The following EMILIN2 variants were observed in gnomAD, a reference collection of about 807,000 sequenced individuals.
EMILIN2 encodes elastin microfibril interfacer 2.
A neutral mutation model predicts 87.1 loss-of-function variants in EMILIN2; 71 were observed. The observed-to-expected ratio is 0.82, with a 90% confidence interval of 0.67 to 0.99. EMILIN2 has a LOEUF of 0.99. Among genes scored for constraint, EMILIN2 ranks in the 50% least tolerant of loss-of-function variants. The pLI, the probability that EMILIN2 is intolerant of heterozygous loss-of-function variation, is 0.00. For missense variants in EMILIN2, 1,407 were observed against 1,371.8 expected (o/e 1.03, Z -0.40); for synonymous variants, 581 against 563.4 (o/e 1.03, Z -0.44).
rs557423433 is a variant in EMILIN2, at chr18:2,885,002, A to G, written c.296A>G (p.Tyr99Cys). 3.1e-5 allele frequency: 50 copies of G among 1,613,446 alleles called. No individual in the cohort carries two copies. In the South Asian group the frequency reaches 5.2e-4, roughly 17 times the overall value. ...VNFRPRYVTR[Y>C]KTVTQLEWRC... ...TTCAGACCTAGATATGTCACTAGGT[A>G]TAAGACAGTGACACAGTTGGAATGG... is the stretch of plus-strand genomic sequence containing the variant. The change falls in exon 3 of 8, where the codon TAT becomes TGT. Residue 99 changes from tyrosine to cysteine, a missense_variant. Coordinates refer to ENST00000254528, the MANE Select transcript of EMILIN2 (RefSeq NM_032048.3).
chr18:2,907,876 G>C (rs1456563595), intron 5 of EMILIN2, among the ~76,000 whole-genome samples: 2 of 152,204 alleles, frequency 1.3e-5, no homozygotes, highest in African/African-American at 4.8e-5. Flanking sequence ...TACATGCATA[G>C]AACAATGCAA....
intron 2 of EMILIN2, among the ~76,000 whole-genome samples, chr18:2,884,108 A>G (rs1440258544): frequency 1.3e-5 from 2 of 151,986 alleles, no homozygotes; most frequent in Non-Finnish European, 2.9e-5. Context: ...GGCGCACGCC[A>G]TCACGCCCGG....
chr18:2,889,085 A>ATTTC (rs748459403), intron 3 of EMILIN2, among the ~76,000 whole-genome samples: 13 of 115,824 alleles, frequency 1.1e-4, no homozygotes, highest in Non-Finnish European at 2.5e-4. Context: ...CTCTTTCAGT[A>ATTTC]TTTCTTTCTT....
chr18:2,913,086 T>C lies in EMILIN2; in HGVS notation c.2844T>C (p.Tyr948=), dbSNP rs773489274. The C allele has an allele frequency of 5.6e-6, 9 of 1,610,890 alleles. No individual in the cohort carries two copies. In the Admixed American group the frequency reaches 6.7e-5, roughly 12 times the overall value. The change falls in exon 8 of 8, where the codon TAT becomes TAC. Residue 948 remains tyrosine (Y), a synonymous_variant. Transcript: ENST00000254528. ...CCGCAGGGGTCTTCACGGCTCCTTA[T>C]GATGGGCGCTACCTGATCACGGCCA... ...NPSTGVFTAP[Y]DGRYLITATL...
intron 2 of EMILIN2, among the ~76,000 whole-genome samples, chr18:2,859,002 A>G (rs1169594263): frequency 6.6e-6 from 1 of 152,070 alleles, no homozygotes; most frequent in African/African-American, 2.4e-5. Context: ...CATTTTTGCA[A>G]TCGCGAATTG....
At chr18:2,869,345 G>C (rs898228271) in intron 2 of EMILIN2, among the ~76,000 whole-genome samples, 3 of 151,682 alleles carry the variant, frequency 2.0e-5, no homozygotes, top group African/African-American at 7.3e-5. Flanking sequence ...AAGTTGTACA[G>C]TTTAATATTT....
rs1307694535 is a variant in EMILIN2 at position 2,891,324 on chromosome 18, T to C, written c.1197T>C (p.Ser399=). Residue 399 remains serine (S), a synonymous_variant, in exon 4 of 8, where the codon AGT becomes AGC. Transcript: ENST00000254528. This position sits in a 1 kb window ranked among gnomAD's most constrained non-coding sequence, Gnocchi z 4.6. ...EPSAQANCCD[S]EKNGDIGQQI... ...CAGCCCAGGCAAATTGCTGCGACAG[T>C]GAAAAGAATGGTGACATTGGTCAAC... 6.2e-7 allele frequency: 1 copy of C among 1,614,026 alleles called. No homozygotes were observed. The highest frequency in any genetic ancestry group is 2.2e-5 in the East Asian group (1 of 44,874).
At chr18:2,886,328 A>G (rs575652730) in intron 3 of EMILIN2, among the ~76,000 whole-genome samples, 7 of 152,262 alleles carry the variant, frequency 4.6e-5, no homozygotes, top group African/African-American at 1.7e-4. Flanking sequence ...GTAATCATTT[A>G]TTTTTGTTTT....
chr18:2,909,572 T>G, intron 6 of EMILIN2, 119 bp from the exon 7 acceptor site: 1 of 1,328,872 alleles, frequency 7.5e-7, no homozygotes, highest in Non-Finnish European at 1.0e-6. Context: ...TTCACCACTT[T>G]GGGTGAAATA....
rs1598499001 is a variant in EMILIN2 at position 2,890,664 on chromosome 18, T to C, written c.537T>C (p.Leu179=). ...ATCCAAAAGAGGGGCCTCAGGAACT[T>C]CAGGAAAAGAAGATACAGGTGCTAG... ...GVDPKEGPQE[L]QEKKIQVLEE... The change falls in exon 4 of 8, where the codon CTT becomes CTC. Residue 179 remains leucine (L), a synonymous_variant. Coordinates refer to ENST00000254528, the MANE Select transcript of EMILIN2 (RefSeq NM_032048.3). This position sits in a 1 kb window ranked among gnomAD's most constrained non-coding sequence, Gnocchi z 4.7. 1 of 1,613,798 alleles carries C rather than the reference T, an allele frequency of 6.2e-7. No homozygotes were observed. Among genetic ancestry groups the C allele is most frequent in the Non-Finnish European group, 8.5e-7 (1 of 1,179,864 alleles).
At chr18:2,900,959 GAGATC>G (rs2076885832) in intron 4 of EMILIN2, among the ~76,000 whole-genome samples, 1 of 152,212 alleles carries the variant, frequency 6.6e-6, no homozygotes. Flanking sequence ...GGATGGCAGG[GAGATC>G]AGATTTCACC....
chr18:2,854,441 A>G (rs538875844), intron 2 of EMILIN2, among the ~76,000 whole-genome samples: 9 of 151,034 alleles, frequency 6.0e-5, no homozygotes, highest in African/African-American at 2.2e-4. Flanking sequence ...GTTGGCAGAA[A>G]ATTTGTCTTA....
intron 4 of EMILIN2, among the ~76,000 whole-genome samples, chr18:2,898,224 G>A (rs776958715): frequency 6.6e-6 from 1 of 152,268 alleles, no homozygotes; most frequent in Non-Finnish European, 1.5e-5. Context: ...ACAAGTGGGG[G>A]TGTGTCCTGG....
intron 3 of EMILIN2, among the ~76,000 whole-genome samples, chr18:2,886,036 A>G (rs888715248): frequency 3.9e-5 from 6 of 152,270 alleles, no homozygotes; most frequent in African/African-American, 7.2e-5. Context: ...TTAAGGATAC[A>G]TAATCTCATG....
rs765932028 is a variant in EMILIN2, at chr18:2,890,784, T to A, written c.657T>A (p.Asp219Glu). ...ATCTCAAACATGCCACTCAGGATGA[T>A]GCCAGTAGAACACGGGCACCAGGGC... is the stretch of plus-strand genomic sequence containing the variant. ...SENLKHATQD[D>E]ASRTRAPGLS... The change falls in exon 4 of 8, where the codon GAT becomes GAA. Residue 219 changes from aspartate (D) to glutamate (E), a missense_variant. By Grantham distance (45) the Asp-to-Glu change is conservative. Transcript: ENST00000254528. The surrounding 1 kb of genome is among the most constrained non-coding windows in gnomAD (Gnocchi z 4.7). 6.2e-7 allele frequency: 1 copy of A among 1,613,676 alleles called. No homozygotes were observed. The highest frequency in any genetic ancestry group is 1.7e-5 in the Admixed American group (1 of 60,008).
At chr18:2,846,920 A>T, upstream of EMILIN2, 1 of 989,946 alleles carries the variant, frequency 1.0e-6, no homozygotes, top group Non-Finnish European at 1.2e-6. This position sits in a 1 kb window ranked among gnomAD's most constrained non-coding sequence, Gnocchi z 5.3. Context: ...CGTTTCGGAG[A>T]GGGAAGTGAA....
rs143370108 is a variant in EMILIN2 at position 2,913,155 on chromosome 18, G to A, written c.2913G>A (p.Ser971=). The change falls in exon 8 of 8, where the codon TCG becomes TCA. Residue 971 remains serine, a synonymous_variant. Transcript: ENST00000254528. ...ACGCCTACGTGGAAGCAGTGCTGTC[G>A]GTCTCCAACGCCAGCGTGGCCCAGC... ...ERDAYVEAVL[S]VSNASVAQLH... is the part of the protein sequence containing the mutation. 50 of 1,613,638 alleles carry A rather than the reference G, an allele frequency of 3.1e-5. No individual in the cohort carries two copies. Among genetic ancestry groups the A allele is most frequent in the African/African-American group, 4.0e-5 (3 of 74,834 alleles).
rs184213853 is a variant in EMILIN2, at chr18:2,865,437, C to G, written c.257+17506C>G. 3.3e-5 allele frequency among the ~76,000 whole-genome samples: 5 copies of G among 152,322 alleles called. No homozygotes were observed. The East Asian group carries it at 9.6e-4, about 29-fold the overall frequency. On this transcript the variant is annotated intron_variant, in intron 2 of 7. Transcript: ENST00000254528. ...TAGTTTTCCTTCTAACAGTCAGGATCCTCAGCTGCAGGTCTGTTGGAGTTT... is the reference window on the plus strand; with the variant it reads ...TAGTTTTCCTTCTAACAGTCAGGATGCTCAGCTGCAGGTCTGTTGGAGTTT...
In EMILIN2 at chr18:2,890,626, A is replaced by C. The variant is rs755978014; in HGVS notation, c.499A>C (p.Ser167Arg). Residue 167 changes from serine to arginine, a missense_variant, in exon 4 of 8, where the codon AGC (serine) becomes CGC (arginine). Transcript: ENST00000254528. This position sits in a 1 kb window ranked among gnomAD's most constrained non-coding sequence, Gnocchi z 4.7. ...GTCCCCAACTGGTACAGCACAACCA[A>C]GCTGGGGGGTAGATCCAAAAGAGGG... ...TLSPTGTAQP[S>R]WGVDPKEGPQ... 8 of 1,613,274 alleles carry C rather than the reference A, an allele frequency of 5.0e-6. No homozygotes were observed. The highest frequency in any genetic ancestry group is 4.2e-6 in the Non-Finnish European group (5 of 1,179,374).
Sources: gnomAD v4.1 joint callset for allele counts (sites outside exome capture counted in the v4.1 genomes callset) on GRCh38, gnomAD v4.1.1 for gene constraint, Gnocchi (gnomAD v3.1) non-coding constraint, MANE v1.5 for transcripts, NCBI Gene and HGNC (gene_info 2026-07-23, HGNC 2026-07-21) for gene names.